Variants in DLC1 observed in about 807,000 individuals in gnomAD.
The protein encoded by DLC1 is DLC1 Rho GTPase activating protein.
DLC1 carries 54 observed loss-of-function variants against 140.3 expected under a neutral mutation model. That is an observed-to-expected ratio of 0.38 (90% CI 0.31 to 0.48). DLC1 has a LOEUF of 0.48. Ranked by LOEUF, DLC1 falls within the 20% of genes least tolerant of loss-of-function variation. DLC1 has a pLI of 0.96. For synonymous variants in DLC1, 986 were observed against 728.1 expected (o/e 1.35, Z -5.70); for missense variants, 2,536 against 1,907.0 (o/e 1.33, Z -6.14).
At chr8:13,359,830 C>A (rs1332585656) in intron 4 of DLC1, among the ~76,000 whole-genome samples, 1 of 152,110 alleles carries the variant, frequency 6.6e-6, no homozygotes, top group Non-Finnish European at 1.5e-5. Flanking sequence ...GTGATTGTAA[C>A]TTTGAACAGG....
chr8:13,181,320 T>G (rs1286602804), intron 5 of DLC1, among the ~76,000 whole-genome samples: 1 of 151,708 alleles, frequency 6.6e-6, no homozygotes, highest in Non-Finnish European at 1.5e-5. Flanking sequence ...ATTTCTTTTT[T>G]TTTTTTCTTT....
At chr8:13,317,605 G>T (rs149220616) in intron 4 of DLC1, among the ~76,000 whole-genome samples, 1 of 152,244 alleles carries the variant, frequency 6.6e-6, no homozygotes, top group Non-Finnish European at 1.5e-5. Flanking sequence ...GAGGCATAAA[G>T]ATCGCATCTG....
chr8:13,420,192 G>C (rs544196886), intron 2 of DLC1, among the ~76,000 whole-genome samples: 1 of 152,032 alleles, frequency 6.6e-6, no homozygotes, highest in African/African-American at 2.4e-5. Flanking sequence ...TTTTTGAAGG[G>C]TTTTTTGTGT....
At chr8:13,566,571 C>T (rs889931625) in intron 1 of DLC1, among the ~76,000 whole-genome samples, 8 of 152,180 alleles carry the variant, frequency 5.3e-5, no homozygotes, top group African/African-American at 1.9e-4. Flanking sequence ...TGCATTTAGG[C>T]GGGCGTACAC....
chr8:13,485,269 T>G (rs896947784), intron 2 of DLC1, among the ~76,000 whole-genome samples: 25 of 152,226 alleles, frequency 1.6e-4, no homozygotes, highest in African/African-American at 6.0e-4. Flanking sequence ...AGTGTAGCCA[T>G]CTTTGTTAGC....
At chr8:13,241,703 C>A (rs556718447) in intron 5 of DLC1, among the ~76,000 whole-genome samples, 3 of 152,134 alleles carry the variant, frequency 2.0e-5, no homozygotes, top group African/African-American at 7.2e-5. Context: ...GAGAATGTTG[C>A]TTTTATGGTG....
At chr8:13,430,364 C>T (rs190393488) in intron 2 of DLC1, among the ~76,000 whole-genome samples, 42 of 152,002 alleles carry the variant, frequency 2.8e-4, no homozygotes, top group Non-Finnish European at 6.0e-4. Context: ...GTAAATGGTA[C>T]GAGAAGTAAA....
intron 5 of DLC1, among the ~76,000 whole-genome samples, chr8:13,181,651 G>A (rs1826044600): frequency 2.0e-5 from 3 of 151,974 alleles, no homozygotes; most frequent in South Asian, 4.1e-4. Flanking sequence ...CCATGTCCCT[G>A]CAAAGGACAT....
intron 1 of DLC1, among the ~76,000 whole-genome samples, chr8:13,542,002 A>G (rs1803501360): frequency 6.6e-6 from 1 of 152,168 alleles, no homozygotes; most frequent in South Asian, 2.1e-4. Context: ...ATTTTCTTCC[A>G]GTCTGTGGTT....
At chr8:13,136,709 A>AT (rs1217411318) in intron 5 of DLC1, among the ~76,000 whole-genome samples, 1 of 151,966 alleles carries the variant, frequency 6.6e-6, no homozygotes, top group Non-Finnish European at 1.5e-5. Flanking sequence ...TAATTTTTGT[A>AT]TTTTTTGTAG....
chr8:13,537,947 C>T (rs1803348130), intron 1 of DLC1, among the ~76,000 whole-genome samples: 1 of 152,094 alleles, frequency 6.6e-6, no homozygotes, highest in African/African-American at 2.4e-5. Flanking sequence ...AGCCACCGCA[C>T]CCGGCCAGCA....
chr8:13,143,659 A>G (rs1377057119), intron 5 of DLC1, among the ~76,000 whole-genome samples: 1 of 148,958 alleles, frequency 6.7e-6, no homozygotes, highest in Non-Finnish European at 1.5e-5. Context: ...GTGTCCTCTC[A>G]CCTTAGCCTC....
intron 4 of DLC1, chr8:13,342,836 T>TTTTC (rs1554500752): frequency 0.4 from 49,848 of 126,104 alleles, 8,548 homozygotes; most frequent in Non-Finnish European, 0.45. Flanking sequence ...TCAGTTGTGC[T>TTTTC]TCTCTCTCTC....
rs1473174758 is a variant in DLC1 at position 13,499,278 on chromosome 8, C to T, written c.794G>A (p.Arg265Lys). The T allele has an allele frequency of 6.2e-7, 1 of 1,614,126 alleles. No individual in the cohort carries two copies. The highest frequency in any genetic ancestry group is 2.2e-5 in the East Asian group (1 of 44,876). The stretch of plus-strand genomic sequence containing the variant: ...ATCTGTTTTTAATAATGGCAGTCCT[C>T]TGTTTGTGCAAGGAGTATCCAAGAA... Reference protein sequence around the residue: ...NEFLDTPCTNRGLPLLKTDFG... With the variant: ...NEFLDTPCTNKGLPLLKTDFG... Residue 265 changes from arginine to lysine, a missense_variant, in exon 2 of 18, where the codon AGA (arginine) becomes AAA (lysine). By Grantham distance (26) the Arg-to-Lys change is conservative. Coordinates refer to ENST00000276297, the MANE Select transcript of DLC1 (RefSeq NM_182643.3).
At chr8:13,313,436 C>T (rs1439666231) in intron 4 of DLC1, among the ~76,000 whole-genome samples, 1 of 152,152 alleles carries the variant, frequency 6.6e-6, no homozygotes, top group Non-Finnish European at 1.5e-5. Context: ...CACTAATTGG[C>T]ATGATGATTT....
intron 5 of DLC1, chr8:13,276,684 C>G (rs1409084750): frequency 2.1e-6 from 2 of 963,304 alleles, no homozygotes; most frequent in African/African-American, 3.4e-5. Context: ...CTGTGCAACC[C>G]AATGACTCAC....
chr8:13,597,273 A>T (rs1269771149), intron 1 of DLC1, among the ~76,000 whole-genome samples: 1 of 152,034 alleles, frequency 6.6e-6, no homozygotes, highest in Non-Finnish European at 1.5e-5. Flanking sequence ...ATTGCAACTG[A>T]CATTGGACAA....
At position 13,092,801 on chromosome 8, in the gene DLC1, T is replaced by C; in HGVS notation, c.3551A>G (p.Gln1184Arg). ...CAGCATGATGGCAGCCTTGATGGCC[T>C]GCAGGCGCTGGTCCTTGGGCACATC... ...YQYVPKDQRL[Q>R]AIKAAIMLLP... The change falls in exon 13 of 18, where the codon CAG (glutamine) becomes CGG (arginine). Residue 1184 changes from glutamine (Q) to arginine (R), a missense_variant. Transcript: ENST00000276297. 1 of 1,613,912 alleles carries C rather than the reference T, an allele frequency of 6.2e-7. No individual in the cohort carries two copies. Among genetic ancestry groups the C allele is most frequent in the Non-Finnish European group, 8.5e-7 (1 of 1,179,910 alleles).
At chr8:13,289,032 C>G (rs973220075) in intron 5 of DLC1, among the ~76,000 whole-genome samples, 7 of 152,104 alleles carry the variant, frequency 4.6e-5, no homozygotes, top group Non-Finnish European at 1.0e-4. Context: ...GTGTGTGACA[C>G]CATTCTCCAC....
Sources: allele counts gnomAD v4.1 joint callset (sites outside exome capture counted in the v4.1 genomes callset), GRCh38; gene constraint gnomAD v4.1.1; transcripts MANE v1.5; gene names NCBI Gene and HGNC (gene_info 2026-07-23, HGNC 2026-07-21).